Variants in KCNMB2 observed in about 807,000 individuals in gnomAD.
The protein encoded by KCNMB2 is potassium calcium-activated channel subfamily M regulatory beta subunit 2, also known as calcium-activated potassium channel subunit beta-2.
Under a neutral mutation model 24.5 loss-of-function variants are expected in KCNMB2, and 9 were observed. The ratio of observed to expected loss-of-function variants is 0.37; its 90% CI spans 0.22 to 0.64. The LOEUF (loss-of-function observed/expected upper bound fraction) is 0.64, where lower values mean the gene tolerates loss of function less well. Among genes scored for constraint, KCNMB2 ranks in the 30% least tolerant of loss-of-function variants. The pLI, the probability that KCNMB2 is intolerant of heterozygous loss-of-function variation, is 0.63. For synonymous variants in KCNMB2, 109 were observed against 104.4 expected (o/e 1.04, Z -0.27); for missense variants, 226 against 284.3 (o/e 0.79, Z 1.47).
At position 178,840,299 on chromosome 3, in the gene KCNMB2, C is replaced by A. The variant is rs182401543; in HGVS notation, c.424-2354C>A. Reference sequence around the variant, plus strand: ...TGTGGTGTGGTTCTGCAGGATACAGCCCCTGCAGTTGCTTTCCCGGGCTGG... The same window carrying A: ...TGTGGTGTGGTTCTGCAGGATACAGACCCTGCAGTTGCTTTCCCGGGCTGG... On this transcript the variant is annotated intron_variant, in intron 4 of 4. Transcript: ENST00000452583. 2.8e-3 allele frequency among the ~76,000 whole-genome samples: 432 copies of A among 152,310 alleles called. 7 individuals are homozygous for A. The highest frequency in any genetic ancestry group is 9.8e-3 in the African/African-American group (406 of 41,568).
At chr3:178,818,203 T>C (rs1399234251) in intron 2 of KCNMB2, among the ~76,000 whole-genome samples, 1 of 152,226 alleles carries the variant, frequency 6.6e-6, no homozygotes, top group African/African-American at 2.4e-5. Context: ...AAGAGTCTCA[T>C]TAAAACCCAT....
Position 178,673,440 on chromosome 3 carries a change from C to T in KCNMB2, c.-67-133903C>T, listed in dbSNP as rs376703900. Among the ~76,000 whole-genome samples the T allele has an allele frequency of 2.5e-4, 38 of 152,170 alleles. 1 individual carries two copies. In the South Asian group the frequency reaches 7.7e-3, roughly 31 times the overall value. On this transcript the variant is annotated intron_variant, in intron 1 of 4. Transcript: ENST00000452583. The stretch of plus-strand genomic sequence containing the variant: ...TCACTCTCAGCTAATGACCTTAATT[C>T]TTATTTTACTGAAAAAAAATAGAAG...
intron 1 of KCNMB2, among the ~76,000 whole-genome samples, chr3:178,763,452 A>G (rs1418439278): frequency 6.6e-6 from 1 of 152,160 alleles, no homozygotes; most frequent in Non-Finnish European, 1.5e-5. Flanking sequence ...ATCGATTTAG[A>G]TGAGGAGAAA....
chr3:178,637,043 T>TC (rs1314802039), intron 1 of KCNMB2, among the ~76,000 whole-genome samples: 1 of 151,770 alleles, frequency 6.6e-6, no homozygotes, highest in Non-Finnish European at 1.5e-5. Context: ...CATTCTTTTT[T>TC]TTGTGGCTGC....
At chr3:178,575,872 C>A (rs1332811312) in intron 1 of KCNMB2, among the ~76,000 whole-genome samples, 1 of 152,118 alleles carries the variant, frequency 6.6e-6, no homozygotes, top group Admixed American at 6.5e-5. Flanking sequence ...TGTTTAAAAT[C>A]AAAATCTCTT....
intron 1 of KCNMB2, among the ~76,000 whole-genome samples, chr3:178,793,271 G>GA (rs1713396661): frequency 1.3e-5 from 2 of 152,308 alleles, no homozygotes; most frequent in South Asian, 4.1e-4. Context: ...TGGAATTGCA[G>GA]ACAGTTGATG....
intron 1 of KCNMB2, among the ~76,000 whole-genome samples, chr3:178,771,476 T>G (rs1712356522): frequency 1.0e-5 from 1 of 97,846 alleles, no homozygotes; most frequent in African/African-American, 4.5e-5. Flanking sequence ...TTTCTTTCTT[T>G]TTTTTTTTTT....
At chr3:178,744,841 G>T (rs1423660986) in intron 1 of KCNMB2, among the ~76,000 whole-genome samples, 2 of 152,154 alleles carry the variant, frequency 1.3e-5, no homozygotes, top group Non-Finnish European at 2.9e-5. Context: ...CTAGGGCTCA[G>T]CTACTTTCTA....
At chr3:178,590,703 C>T (rs760749489) in intron 1 of KCNMB2, among the ~76,000 whole-genome samples, 1 of 152,148 alleles carries the variant, frequency 6.6e-6, no homozygotes, top group Non-Finnish European at 1.5e-5. Flanking sequence ...AAGTAACTTG[C>T]CTTGAGCCAT....
chr3:178,831,457 C>A (rs1337753654), intron 4 of KCNMB2, among the ~76,000 whole-genome samples: 1 of 152,110 alleles, frequency 6.6e-6, no homozygotes, highest in African/African-American at 2.4e-5. Context: ...ATGTTCATGG[C>A]AGCAGTTCTC....
At chr3:178,590,990 T>C (rs982898693) in intron 1 of KCNMB2, among the ~76,000 whole-genome samples, 9 of 152,176 alleles carry the variant, frequency 5.9e-5, no homozygotes, top group African/African-American at 2.2e-4. Context: ...GCATGATCCA[T>C]GATCCACTAA....
chr3:178,732,086 G>C (rs1723170560), intron 1 of KCNMB2, among the ~76,000 whole-genome samples: 1 of 152,110 alleles, frequency 6.6e-6, no homozygotes, highest in African/African-American at 2.4e-5. Context: ...AAAAGACAGA[G>C]AGAGGTCGAG....
At chr3:178,606,222 C>CA (rs1476796892) in intron 1 of KCNMB2, among the ~76,000 whole-genome samples, 1 of 152,130 alleles carries the variant, frequency 6.6e-6, no homozygotes, top group Non-Finnish European at 1.5e-5. Flanking sequence ...AGAAGAACCC[C>CA]AAAAGCAATT....
chr3:178,826,969 A>C (rs1210000067), intron 3 of KCNMB2, among the ~76,000 whole-genome samples: 1 of 152,118 alleles, frequency 6.6e-6, no homozygotes, highest in African/African-American at 2.4e-5. Context: ...ATATAAGCAA[A>C]ATGTGACCAC....
intron 1 of KCNMB2, among the ~76,000 whole-genome samples, chr3:178,768,123 AT>A (rs904074518): frequency 6.6e-6 from 1 of 152,118 alleles, no homozygotes. Context: ...TTCAAAGATT[AT>A]TTTAGCAAAT....
At chr3:178,767,741 C>A (rs1712180927) in intron 1 of KCNMB2, among the ~76,000 whole-genome samples, 1 of 152,222 alleles carries the variant, frequency 6.6e-6, no homozygotes. Context: ...AGCTGTATGG[C>A]TGTGACCACT....
intron 2 of KCNMB2, among the ~76,000 whole-genome samples, chr3:178,815,661 T>C (rs1270564325): frequency 6.6e-6 from 1 of 152,176 alleles, no homozygotes; most frequent in African/African-American, 2.4e-5. Context: ...AAGTTTACTA[T>C]AGGTATTTCT....
At chr3:178,694,045 G>A (rs930538577) in intron 1 of KCNMB2, among the ~76,000 whole-genome samples, 3 of 152,050 alleles carry the variant, frequency 2.0e-5, no homozygotes, top group Non-Finnish European at 2.9e-5. Context: ...ACCCGACACT[G>A]GGTAATTTAT....
chr3:178,665,089 A>G (rs1457133634), intron 1 of KCNMB2, among the ~76,000 whole-genome samples: 1 of 152,152 alleles, frequency 6.6e-6, no homozygotes, highest in Admixed American at 6.6e-5. Flanking sequence ...TGTAAAATTC[A>G]TTCTGCTTTG....
Sources: gnomAD v4.1 joint callset for allele counts (sites outside exome capture counted in the v4.1 genomes callset) on GRCh38, gnomAD v4.1.1 for gene constraint, MANE v1.5 for transcripts, NCBI Gene and HGNC (gene_info 2026-07-23, HGNC 2026-07-21) for gene names.